Variants in BOD1L1 observed in about 807,000 individuals in gnomAD.
BOD1L1 encodes biorientation of chromosomes in cell division protein 1-like 1.
BOD1L1 carries 86 observed loss-of-function variants against 240.7 expected under a neutral mutation model. The observed-to-expected ratio is 0.36, with a 90% CI of 0.30 to 0.43. BOD1L1 has a LOEUF of 0.43. Ranked by LOEUF, BOD1L1 falls within the 20% of genes least tolerant of loss-of-function variation. The pLI is 1.00. For missense variants in BOD1L1, 3,554 were observed against 3,643.5 expected, an observed-to-expected ratio of 0.98 and a Z score of 0.63; for synonymous variants, 1,268 against 1,272.3, an observed-to-expected ratio of 1.00 and a Z score of 0.07.
chr4:13,601,134 G>A lies in BOD1L1; in HGVS notation c.5766C>T (p.Ala1922=), dbSNP rs770202576. 6.2e-7 allele frequency: 1 copy of A among 1,613,924 alleles called. No homozygotes were observed. The highest frequency in any genetic ancestry group is 8.5e-7 in the Non-Finnish European group (1 of 1,179,884). Residue 1922 remains alanine (A), a synonymous_variant, in exon 10 of 26, where the codon GCC becomes GCT. Coordinates refer to ENST00000040738, the MANE Select transcript of BOD1L1 (RefSeq NM_148894.3). ...VEHVEAEAGA[A]IMNANENNVD... is the part of the protein sequence containing the mutation. Reference sequence around the variant, plus strand: ...CATTATTTTCATTTGCATTCATGATGGCAGCTCCAGCCTCAGCTTCCACAT... The same window carrying A: ...CATTATTTTCATTTGCATTCATGATAGCAGCTCCAGCCTCAGCTTCCACAT...
rs762849323 is a variant in BOD1L1, at chr4:13,591,962, T to C, written c.8109A>G (p.Glu2703=). The C allele has an allele frequency of 2.7e-5, 42 of 1,551,800 alleles. No homozygotes were observed. The Middle Eastern group carries it at 1.7e-3, about 62-fold the overall frequency. ...TCACCAACAAAGGCTCCCTCTGGAG[T>C]TCAGCTGTTCAAAAATAAAAATGAG... ...LCGGKPSGIA[E]LQREPLLVNE... The change falls in exon 13 of 26, where the codon GAA becomes GAG. Residue 2703 remains glutamate, a synonymous_variant. Transcript: ENST00000040738.
At chr4:13,581,408 C>T (rs931702517) in intron 19 of BOD1L1, among the ~76,000 whole-genome samples, 14 of 152,150 alleles carry the variant, frequency 9.2e-5, no homozygotes, top group Admixed American at 9.2e-4. Flanking sequence ...TGATAAATAT[C>T]ACTAACTGTC....
chr4:13,588,265 T>C (rs1287021843), intron 15 of BOD1L1, among the ~76,000 whole-genome samples: 1 of 152,098 alleles, frequency 6.6e-6, no homozygotes, highest in East Asian at 1.9e-4. Context: ...TAAACTTCAG[T>C]CTCTTTTCTG....
intron 7 of BOD1L1, among the ~76,000 whole-genome samples, chr4:13,609,012 T>C (rs1408209519): frequency 1.3e-5 from 2 of 152,210 alleles, no homozygotes; most frequent in Non-Finnish European, 2.9e-5. Context: ...TGATAACTCA[T>C]GTGTTAACAA....
Position 13,598,864 on chromosome 4 carries a change from T to G in BOD1L1, c.7954+82A>C. 2.9e-6 allele frequency: 4 copies of G among 1,385,064 alleles called. No individual in the cohort carries two copies. The South Asian group carries it at 4.9e-5, about 17-fold the overall frequency. The allele number at this position is 1,385,064 out of a possible 1,614,324, so 85.8% of individuals were successfully genotyped here. ...TATCTTTCTGGAACCAAAACCATCT[T>G]TTGGAAGACTGTCCTAAATGCACTC... On this transcript the variant is annotated intron_variant, in intron 10 of 25. Transcript: ENST00000040738.
At chr4:13,575,332 A>G (rs75277289) in intron 25 of BOD1L1, among the ~76,000 whole-genome samples, 129 of 152,318 alleles carry the variant, frequency 8.5e-4, no homozygotes, top group African/African-American at 3.0e-3. Context: ...GAAATTAAAC[A>G]AGATGATACC....
At chr4:13,583,102 G>A (rs1051956299) in intron 17 of BOD1L1, among the ~76,000 whole-genome samples, 4 of 152,174 alleles carry the variant, frequency 2.6e-5, no homozygotes, top group African/African-American at 9.7e-5. Flanking sequence ...TGGAGTGATG[G>A]AGGGGAGAGA....
In BOD1L1 at chr4:13,588,790, T is replaced by A. The variant is rs767229687; in HGVS notation, c.8212A>T (p.Ile2738Leu). The A allele has an allele frequency of 6.3e-7, 1 of 1,587,540 alleles. No homozygotes were observed. The highest frequency in any genetic ancestry group is 8.6e-7 in the Non-Finnish European group (1 of 1,167,786). ...IHSESYNKGE[I>L]SSGRKDNAEA... ...GCGTTGTCTTTTCTACCACTGGATA[T>A]CTCTGAGTAATAAATACAAAAAAGA... is the stretch of plus-strand genomic sequence containing the variant. The change falls in exon 15 of 26, where the codon ATA becomes TTA. Residue 2738 changes from isoleucine (I) to leucine (L), a missense_variant and splice_region_variant. By Grantham distance (5) the Ile-to-Leu change is conservative. Around this residue, in one of 2 missense-constraint regions of BOD1L1, gnomAD observed 3,393 missense variants for 3,427.1 expected, o/e 0.99. Coordinates refer to ENST00000040738, the MANE Select transcript of BOD1L1 (RefSeq NM_148894.3).
At position 13,599,960 on chromosome 4, in the gene BOD1L1, C is replaced by T. The variant is rs773369997; in HGVS notation, c.6940G>A (p.Asp2314Asn). 2 of 1,612,524 alleles carry T rather than the reference C, an allele frequency of 1.2e-6. No homozygotes were observed. The highest frequency in any genetic ancestry group is 1.7e-6 in the Non-Finnish European group (2 of 1,179,178). ...TCTACTCTTGTGATGGTGAGCCGAT[C>T]TTCATCCTGGAGGACAGCACCAATC... ...VMIGAVLQDE[D>N]RLTITRVEDL... Residue 2314 changes from aspartate to asparagine, a missense_variant, in exon 10 of 26, where the codon GAT (aspartate) becomes AAT (asparagine). Asp to Asn is a conservative substitution (Grantham distance 23). Coordinates refer to ENST00000040738, the MANE Select transcript of BOD1L1 (RefSeq NM_148894.3).
chr4:13,614,170 G>C, intron 4 of BOD1L1, 26 bp downstream of exon 4: 2 of 1,459,026 alleles, frequency 1.4e-6, no homozygotes. Flanking sequence ...TTTAAACTTT[G>C]TAGATGTTTG....
chr4:13,576,662 A>AC (rs1160088170), intron 25 of BOD1L1, among the ~76,000 whole-genome samples, 176 bp downstream of exon 25: 1 of 152,184 alleles, frequency 6.6e-6, no homozygotes, highest in Non-Finnish European at 1.5e-5. Context: ...ATGGTTTAGG[A>AC]CAGAAAATGT....
chr4:13,598,829 A>C, intron 10 of BOD1L1, 117 bp downstream of exon 10: 1 of 1,097,384 alleles, frequency 9.1e-7, no homozygotes, highest in Non-Finnish European at 1.3e-6. Flanking sequence ...AAAAAAATTT[A>C]TAGATATTTT....
chr4:13,594,448 C>T (rs960976789), intron 12 of BOD1L1, among the ~76,000 whole-genome samples: 1 of 152,148 alleles, frequency 6.6e-6, no homozygotes, highest in African/African-American at 2.4e-5. Flanking sequence ...CAGTATGGTC[C>T]AGCCTCTCTG....
At position 13,615,448 on chromosome 4, in the gene BOD1L1, T is replaced by G; in HGVS notation, c.423A>C (p.Pro141=). 1.2e-6 allele frequency: 2 copies of G among 1,613,664 alleles called. No homozygotes were observed. Among genetic ancestry groups the G allele is most frequent in the Non-Finnish European group, 1.7e-6 (2 of 1,179,684 alleles). ...IDRIISQVVD[P]KINHTFRPQV... ...GAGGTCTGAATGTGTGGTTGATCTT[T>G]GGGTCCACAACCTGAGAAATAATTC... is the stretch of plus-strand genomic sequence containing the variant. Residue 141 remains proline, a synonymous_variant, in exon 3 of 26, where the codon CCA becomes CCC. Coordinates refer to ENST00000040738, the MANE Select transcript of BOD1L1 (RefSeq NM_148894.3).
In BOD1L1 at chr4:13,579,897, T is replaced by C. The variant is rs36122645; in HGVS notation, c.8749+31A>G. 3.1e-4 allele frequency: 478 copies of C among 1,531,302 alleles called. 1 individual carries two copies. The African/African-American group carries it at 5.7e-3, about 18-fold the overall frequency. 94.9% of individuals were successfully genotyped at this position (1,531,302 alleles called of 1,614,324 possible). A position where few individuals can be genotyped will look rare whatever the true frequency, so the allele number is the denominator to read the frequency against. The stretch of plus-strand genomic sequence containing the variant: ...CAGCCTCTCCTGCCCCTCCCTCAGA[T>C]AACACACAGAGGAATGCGGTAGGTA... On this transcript the variant is annotated intron_variant, in intron 22 of 25. Transcript: ENST00000040738.
chr4:13,590,792 T>G (rs575612138), intron 13 of BOD1L1, among the ~76,000 whole-genome samples: 1 of 152,210 alleles, frequency 6.6e-6, no homozygotes, highest in Non-Finnish European at 1.5e-5. Flanking sequence ...AAAAACTCTA[T>G]AGGATTCTGT....
intron 25 of BOD1L1, among the ~76,000 whole-genome samples, chr4:13,573,410 T>TTCTA (rs1384122887): frequency 2.5e-3 from 358 of 141,328 alleles, no homozygotes; most frequent in African/African-American, 7.9e-3. Flanking sequence ...CAGAGTTTGC[T>TTCTA]TCTATCTATC....
Position 13,604,588 on chromosome 4 carries a change from T to C in BOD1L1, c.2312A>G (p.Asn771Ser), listed in dbSNP as rs1233040987. The C allele has an allele frequency of 6.4e-7, 1 of 1,569,518 alleles. No homozygotes were observed. Among genetic ancestry groups the C allele is most frequent in the Non-Finnish European group, 8.6e-7 (1 of 1,166,572 alleles). The change falls in exon 10 of 26, where the codon AAT becomes AGT. Residue 771 changes from asparagine (N) to serine (S), a missense_variant. Coordinates refer to ENST00000040738, the MANE Select transcript of BOD1L1 (RefSeq NM_148894.3). ...TGTTTGTTGACTTTGCTTTTGAATATTTTCCTCTACTTTTAAACCTTTCTC... is the reference window on the plus strand; with the variant it reads ...TGTTTGTTGACTTTGCTTTTGAATACTTTCCTCTACTTTTAAACCTTTCTC... ...SSEKGLKVEE[N>S]IQKQSQQTKL...
At position 13,619,987 on chromosome 4, in the gene BOD1L1, G is replaced by A; in HGVS notation, c.324C>T (p.Leu108=). 1.2e-6 allele frequency: 2 copies of A among 1,612,824 alleles called. No individual in the cohort carries two copies. Among genetic ancestry groups the A allele is most frequent in the Admixed American group, 1.7e-5 (1 of 59,874 alleles). Residue 108 remains leucine (L), a synonymous_variant, in exon 2 of 26, where the codon CTC becomes CTT. Transcript: ENST00000040738. ...HLATHTWSPH[L]NKNQLRNNIR... The stretch of plus-strand genomic sequence containing the variant: ...TGTTGTTTCTTAGCTGGTTCTTATT[G>A]AGATGCGGACTCCATGTGTGAGTTG...
Sources: allele counts gnomAD v4.1 joint callset (sites outside exome capture counted in the v4.1 genomes callset), GRCh38; gene constraint gnomAD v4.1.1; regional missense constraint gnomAD v4.1.1; transcripts MANE v1.5; gene names NCBI Gene and HGNC (gene_info 2026-07-23, HGNC 2026-07-21).